Variants in MACROH2A1 observed in about 807,000 individuals in gnomAD.
MACROH2A1 encodes the protein macroH2A.1 histone.
Under a neutral mutation model 31.6 loss-of-function variants are expected in MACROH2A1, and 2 were observed. The observed-to-expected ratio is 0.06, with a 90% CI of 0.03 to 0.20. The LOEUF is 0.20. MACROH2A1 is among the 10% of genes least tolerant of loss of function. The probability of loss-of-function intolerance (pLI) is 1.00; values close to 1 mark genes in which losing one functional copy is unlikely to be tolerated. For missense variants in MACROH2A1, 230 were observed against 474.0 expected (o/e 0.49, Z 4.78); for synonymous variants, 169 against 189.6 (o/e 0.89, Z 0.89).
chr5:135,351,842 T>A (rs901122871), intron 6 of MACROH2A1, among the ~76,000 whole-genome samples: 3 of 151,978 alleles, frequency 2.0e-5, no homozygotes, highest in Non-Finnish European at 2.9e-5. Context: ...GAGTTACAGG[T>A]GTGAGCCACT....
intron 8 of MACROH2A1, among the ~76,000 whole-genome samples, chr5:135,337,682 G>A (rs1052839854): frequency 6.6e-6 from 1 of 152,232 alleles, no homozygotes; most frequent in African/African-American, 2.4e-5. Flanking sequence ...AGCCAGCATG[G>A]ACTTTATAAT....
At chr5:135,357,175 G>T (rs1762275594) in intron 5 of MACROH2A1, 1 of 152,216 alleles carries the variant, frequency 6.6e-6, no homozygotes, top group Admixed American at 6.5e-5. Context: ...GGGCCGGGCA[G>T]AATCTAGTGT....
intron 8 of MACROH2A1, among the ~76,000 whole-genome samples, chr5:135,337,298 G>T (rs1453562372): frequency 2.0e-5 from 3 of 152,242 alleles, no homozygotes; most frequent in Admixed American, 6.5e-5. Context: ...CTCCAACAAC[G>T]GTTAGCTACA....
chr5:135,361,596 A>C (rs1762854909), intron 4 of MACROH2A1: 1 of 152,212 alleles, frequency 6.6e-6, no homozygotes, highest in African/African-American at 2.4e-5. Flanking sequence ...CCCTTCCCCA[A>C]ATTATTAATA....
In MACROH2A1 at chr5:135,391,543, A is replaced by G. The variant is rs376482342; in HGVS notation, c.-33-2417T>C. On this transcript the variant is annotated intron_variant, in intron 1 of 8. Coordinates refer to ENST00000511689, the MANE Select transcript of MACROH2A1 (RefSeq NM_138610.3). ...CCTCTGACTCTAGCTGAGTCTTTAC[A>G]TCAACATGCCAGTGACTCCCAGGTC... 6.6e-5 allele frequency among the ~76,000 whole-genome samples: 10 copies of G among 152,276 alleles called. No individual in the cohort carries two copies. In the South Asian group the frequency reaches 2.1e-3, roughly 32 times the overall value.
chr5:135,350,783 C>G, intron 6 of MACROH2A1: 1 of 1,241,142 alleles, frequency 8.1e-7, no homozygotes. Context: ...GCCGACTGAC[C>G]ATGCACACAC....
At position 135,334,440 on chromosome 5, in the gene MACROH2A1, G is replaced by A. The variant is rs1309589894; in HGVS notation, c.*536C>T. On this transcript the variant is annotated 3_prime_UTR_variant, in exon 9 of 9. Transcript: ENST00000511689. ...AATTCCAAATTGCAAATATAATTAA[G>A]GACAACAGATTCTGCTTTGCCTTAT... 2.3e-5 allele frequency: 4 copies of A among 173,754 alleles called. No homozygotes were observed. The highest frequency in any genetic ancestry group is 4.9e-5 in the Non-Finnish European group (4 of 81,094). The allele number at this position is 173,754 out of a possible 1,614,324, so 10.8% of individuals were successfully genotyped here.
At chr5:135,397,818 A>C (rs1490346522) in intron 1 of MACROH2A1, among the ~76,000 whole-genome samples, 1 of 152,128 alleles carries the variant, frequency 6.6e-6, no homozygotes, top group East Asian at 1.9e-4. Flanking sequence ...AATTCCACCT[A>C]ATTTACAACT....
chr5:135,373,604 T>C (rs1487259767), intron 2 of MACROH2A1, among the ~76,000 whole-genome samples: 2 of 152,170 alleles, frequency 1.3e-5, no homozygotes, highest in African/African-American at 2.4e-5. Context: ...TGACAGTGAG[T>C]AGCAAGGTGG....
intron 5 of MACROH2A1, chr5:135,354,471 G>C (rs1251971022): frequency 6.6e-6 from 1 of 152,532 alleles, no homozygotes; most frequent in East Asian, 1.9e-4. Flanking sequence ...TTTGGTTAAA[G>C]ACTCAGAGAA....
chr5:135,396,892 G>A (rs754693905), intron 1 of MACROH2A1, among the ~76,000 whole-genome samples: 5 of 152,042 alleles, frequency 3.3e-5, no homozygotes, highest in African/African-American at 7.3e-5. Context: ...ATGAAGAGTT[G>A]ACTCACTCAG....
At position 135,354,687 on chromosome 5, in the gene MACROH2A1, T is replaced by G. The variant is rs1761961975; in HGVS notation, c.589-1642A>C. 4 of 224,168 alleles carry G rather than the reference T, an allele frequency of 1.8e-5. No homozygotes were observed. In the South Asian group the frequency reaches 2.5e-4, roughly 14 times the overall value. 13.9% of individuals were successfully genotyped at this position (224,168 alleles called of 1,614,324 possible). On this transcript the variant is annotated intron_variant, in intron 5 of 8. Transcript: ENST00000511689. ...GGGGCTGGGGCCTGACTGCTGCCACTGGGGAGTAGGGGTGTGGGTGGGCAC... is the reference window on the plus strand; with the variant it reads ...GGGGCTGGGGCCTGACTGCTGCCACGGGGGAGTAGGGGTGTGGGTGGGCAC...
At chr5:135,348,168 A>G (rs944964097) in intron 6 of MACROH2A1, among the ~76,000 whole-genome samples, 8 of 152,236 alleles carry the variant, frequency 5.3e-5, no homozygotes, top group Non-Finnish European at 1.0e-4. Context: ...CTACACACAC[A>G]TATGTATGCA....
chr5:135,369,314 G>A lies in MACROH2A1; in HGVS notation c.477+92C>T, dbSNP rs186898060. On this transcript the variant is annotated intron_variant, in intron 4 of 8. Coordinates refer to ENST00000511689, the MANE Select transcript of MACROH2A1 (RefSeq NM_138610.3). This position sits in a 1 kb window ranked among gnomAD's most constrained non-coding sequence, Gnocchi z 4.3. ...CTTTATTCTCCCATCAGTGGGATGAGCCCACAGGGGGAATGAGGGGGGTGC... is the reference window on the plus strand; with the variant it reads ...CTTTATTCTCCCATCAGTGGGATGAACCCACAGGGGGAATGAGGGGGGTGC... 1,065 of 999,486 alleles carry A rather than the reference G, an allele frequency of 1.1e-3. 2 individuals are homozygous for A. The highest frequency in any genetic ancestry group is 3.3e-3 in the Middle Eastern group (16 of 4,836). 61.9% of individuals were successfully genotyped at this position (999,486 alleles called of 1,614,324 possible).
At chr5:135,385,461 C>A (rs1353549446) in intron 2 of MACROH2A1, among the ~76,000 whole-genome samples, 4 of 152,204 alleles carry the variant, frequency 2.6e-5, no homozygotes, top group African/African-American at 9.6e-5. Flanking sequence ...GACATCACAG[C>A]TCTCAGCAAG....
chr5:135,358,908 T>C (rs1038502080), intron 5 of MACROH2A1: 267 of 985,278 alleles, frequency 2.7e-4, no homozygotes, highest in Admixed American at 1.9e-3. Flanking sequence ...TGTTCCTGGC[T>C]CTTGGGAGAA....
At chr5:135,347,725 C>A (rs1361092417) in intron 6 of MACROH2A1, 1 of 152,232 alleles carries the variant, frequency 6.6e-6, no homozygotes, top group Non-Finnish European at 1.5e-5. Context: ...ACTATCCCTG[C>A]AGCTGAGAAA....
At chr5:135,352,448 T>G (rs974165109) in intron 6 of MACROH2A1, among the ~76,000 whole-genome samples, 1 of 152,218 alleles carries the variant, frequency 6.6e-6, no homozygotes, top group African/African-American at 2.4e-5. Flanking sequence ...TCATATACTG[T>G]TTTCAGTTCT....
intron 5 of MACROH2A1, chr5:135,357,979 G>A (rs1368885789): frequency 1.0e-6 from 1 of 985,198 alleles, no homozygotes; most frequent in Non-Finnish European, 1.2e-6. Flanking sequence ...ACTGGTTTCA[G>A]TGTCACAGAT....
Sources: gnomAD v4.1 joint callset for allele counts (sites outside exome capture counted in the v4.1 genomes callset) on GRCh38, gnomAD v4.1.1 for gene constraint, Gnocchi (gnomAD v3.1) non-coding constraint, MANE v1.5 for transcripts, NCBI Gene and HGNC (gene_info 2026-07-23, HGNC 2026-07-21) for gene names.